KCNQ1: variants seen among roughly 807,000 people sequenced by gnomAD.
KCNQ1 encodes potassium voltage-gated channel subfamily KQT member 1.
KCNQ1 carries 49 observed loss-of-function variants against 72.4 expected under a neutral mutation model. The ratio of observed to expected loss-of-function variants is 0.68; its 90% confidence interval spans 0.54 to 0.86. The LOEUF (loss-of-function observed/expected upper bound fraction) is 0.86, where lower values mean the gene tolerates loss of function less well. Ranked by LOEUF, KCNQ1 falls within the 40% of genes least tolerant of loss-of-function variation. KCNQ1 has a pLI of 0.00. For synonymous variants in KCNQ1, 450 were observed against 412.6 expected, an observed-to-expected ratio of 1.09 and a Z score of -1.10; for missense variants, 790 against 945.1, an observed-to-expected ratio of 0.84 and a Z score of 2.15.
At chr11:2,578,558 G>C (rs537261921) in intron 6 of KCNQ1, among the ~76,000 whole-genome samples, 2 of 152,380 alleles carry the variant, frequency 1.3e-5, no homozygotes, top group South Asian at 4.1e-4. Context: ...GAGGGGAGCA[G>C]GCCTGGGAGG....
intron 15 of KCNQ1, among the ~76,000 whole-genome samples, chr11:2,795,762 G>A (rs1255841369): frequency 2.0e-5 from 3 of 152,182 alleles, no homozygotes; most frequent in African/African-American, 4.8e-5. Context: ...CAAACTTGGC[G>A]GGACCCTGCC....
chr11:2,610,555 G>T, intron 10 of KCNQ1: 1 of 398,238 alleles, frequency 2.5e-6, no homozygotes, highest in South Asian at 1.3e-4. Flanking sequence ...GGATATATGT[G>T]AACTTCCTGG....
chr11:2,686,825 A>C, intron 11 of KCNQ1: 1 of 398,668 alleles, frequency 2.5e-6, no homozygotes, highest in Non-Finnish European at 4.4e-6. Context: ...GAGCAGCACA[A>C]GTAACTCAGA....
chr11:2,670,594 C>A lies in KCNQ1; in HGVS notation c.1514+8513C>A, dbSNP rs2283184. On this transcript the variant is annotated intron_variant, in intron 11 of 15. Coordinates refer to ENST00000155840, the MANE Select transcript of KCNQ1 (RefSeq NM_000218.3). The surrounding 1 kb of genome is among the most constrained non-coding windows in gnomAD (Gnocchi z 4.9). ...ATAGGAGCAGAAGCCAGGGCTCATT[C>A]CCAGACACACAATCTCTGGGGGAGC... The A allele has an allele frequency of 1.8e-4, 72 of 398,262 alleles. No individual in the cohort carries two copies. Among genetic ancestry groups the A allele is most frequent in the Admixed American group, 7.9e-4 (18 of 22,682 alleles). 24.7% of individuals were successfully genotyped at this position (398,262 alleles called of 1,614,324 possible).
intron 11 of KCNQ1, chr11:2,680,614 C>T: frequency 2.5e-6 from 1 of 398,508 alleles, no homozygotes; most frequent in Non-Finnish European, 4.4e-6. Flanking sequence ...TCTTGCAAAA[C>T]TGTAGTACAA....
Position 2,702,568 on chromosome 11 carries a change from C to T in KCNQ1, c.1514+40487C>T, listed in dbSNP as rs1198582919. Among the ~76,000 whole-genome samples the T allele has an allele frequency of 2.6e-5, 4 of 152,142 alleles. No homozygotes were observed. The East Asian group carries it at 7.7e-4, about 29-fold the overall frequency. On this transcript the variant is annotated intron_variant, in intron 11 of 15. Coordinates refer to ENST00000155840, the MANE Select transcript of KCNQ1 (RefSeq NM_000218.3). ...AAAACTGTGGGTTCTAATTGTGGGC[C>T]TGGATGGGGACATATCTTACAAGTA... is the stretch of plus-strand genomic sequence containing the variant.
At chr11:2,797,676 C>T (rs1847166221) in intron 15 of KCNQ1, among the ~76,000 whole-genome samples, 1 of 151,924 alleles carries the variant, frequency 6.6e-6, no homozygotes, top group African/African-American at 2.4e-5. Flanking sequence ...TCTGGCCCCT[C>T]CTCCTCCCCC....
chr11:2,469,987 C>G (rs1246469440), intron 1 of KCNQ1, among the ~76,000 whole-genome samples: 2 of 152,030 alleles, frequency 1.3e-5, no homozygotes, highest in Non-Finnish European at 2.9e-5. Context: ...TTTAGAGCTG[C>G]GGTCTCACTC....
In KCNQ1 at chr11:2,445,477, T is replaced by C; in HGVS notation, c.379T>C (p.Phe127Leu). The C allele has an allele frequency of 6.3e-7, 1 of 1,595,218 alleles. No homozygotes were observed. The highest frequency in any genetic ancestry group is 8.5e-7 in the Non-Finnish European group (1 of 1,178,886). ...PTGWKCFVYH[F>L]AVFLIVLVCL... The stretch of plus-strand genomic sequence containing the variant: ...CGGCTGGAAATGCTTCGTTTACCAC[T>C]TCGCCGTGTGAGTATCGCCACCGGC... The change falls in exon 1 of 16, where the codon TTC becomes CTC. Residue 127 changes from phenylalanine (F) to leucine (L), a missense_variant. Transcript: ENST00000155840.
chr11:2,673,762 G>C lies in KCNQ1; in HGVS notation c.1514+11681G>C, dbSNP rs910106031. 1.0e-5 allele frequency: 4 copies of C among 398,526 alleles called. No individual in the cohort carries two copies. The highest frequency in any genetic ancestry group is 8.2e-5 in the African/African-American group (4 of 48,614). The allele number at this position is 398,526 out of a possible 1,614,324, so 24.7% of individuals were successfully genotyped here. A position where few individuals can be genotyped will look rare whatever the true frequency, so the allele number is the denominator to read the frequency against. On this transcript the variant is annotated intron_variant, in intron 11 of 15. Coordinates refer to ENST00000155840, the MANE Select transcript of KCNQ1 (RefSeq NM_000218.3). The surrounding 1 kb of genome is among the most constrained non-coding windows in gnomAD (Gnocchi z 4.5). ...AGGGGAAGGGGTACAGTCCCTTCTT[G>C]CTGGTATGTTGGGAAGCTCTGGTGC...
At position 2,657,669 on chromosome 11, in the gene KCNQ1, C is replaced by A. The variant is rs1329793851; in HGVS notation, c.1394-4292C>A. 2 of 398,508 alleles carry A rather than the reference C, an allele frequency of 5.0e-6. No individual in the cohort carries two copies. Among genetic ancestry groups the A allele is most frequent in the Admixed American group, 4.4e-5 (1 of 22,716 alleles). The allele number at this position is 398,508 out of a possible 1,614,324, so 24.7% of individuals were successfully genotyped here. A position where few individuals can be genotyped will look rare whatever the true frequency, so the allele number is the denominator to read the frequency against. On this transcript the variant is annotated intron_variant, in intron 10 of 15. Coordinates refer to ENST00000155840, the MANE Select transcript of KCNQ1 (RefSeq NM_000218.3). The surrounding 1 kb of genome is among the most constrained non-coding windows in gnomAD (Gnocchi z 4.8). ...TATTTGGATTTCCCCAGTTTAACTA[C>A]TAATGTCCTTTTTCTGTTCCAAGAT...
In KCNQ1 at chr11:2,745,850, C is replaced by T. The variant is rs536017141; in HGVS notation, c.1515-22994C>T. Among the ~76,000 whole-genome samples, 28 of 152,340 alleles carry T rather than the reference C, an allele frequency of 1.8e-4. No homozygotes were observed. The East Asian group carries it at 3.3e-3, about 18-fold the overall frequency. On this transcript the variant is annotated intron_variant, in intron 11 of 15. Transcript: ENST00000155840. This position sits in a 1 kb window ranked among gnomAD's most constrained non-coding sequence, Gnocchi z 6.2. Reference sequence around the variant, plus strand: ...CGGCAGCAGCAAGGCAGCTCATCCTCGGCTGCCTCTTCTCCCTCACTACTA... The same window carrying T: ...CGGCAGCAGCAAGGCAGCTCATCCTTGGCTGCCTCTTCTCCCTCACTACTA...
intron 11 of KCNQ1, chr11:2,693,845 C>T (rs1220134052): frequency 5.0e-6 from 2 of 398,770 alleles, no homozygotes; most frequent in Non-Finnish European, 4.4e-6. Context: ...TTAGAGGCCA[C>T]CCCTTGCCCT....
rs769645119 is a variant in KCNQ1, at chr11:2,572,874, T to C, written c.809T>C (p.Phe270Ser). The C allele has an allele frequency of 1.2e-6, 2 of 1,613,820 alleles. 1 individual carries two copies. The highest frequency in any genetic ancestry group is 2.2e-5 in the South Asian group (2 of 91,082). Residue 270 changes from phenylalanine to serine, a missense_variant, in exon 6 of 16, where the codon TTC (phenylalanine) becomes TCC (serine). By Grantham distance (155) the Phe-to-Ser change is radical. Coordinates refer to ENST00000155840, the MANE Select transcript of KCNQ1 (RefSeq NM_000218.3). ...QELITTLYIGFLGLIFSSYFV... is the reference protein window; with the variant it reads ...QELITTLYIGSLGLIFSSYFV... ...CTGATAACCACCCTGTACATCGGCT[T>C]CCTGGGCCTCATCTTCTCCTCGTAC...
chr11:2,779,869 A>C (rs926840207), intron 15 of KCNQ1, among the ~76,000 whole-genome samples: 1 of 152,112 alleles, frequency 6.6e-6, no homozygotes, highest in Non-Finnish European at 1.5e-5. Context: ...GCACAAAATT[A>C]TGCACCCAAT....
In KCNQ1 at chr11:2,457,590, A is replaced by C. The variant is rs1324395185; in HGVS notation, c.386+12106A>C. On this transcript the variant is annotated intron_variant, in intron 1 of 15. Transcript: ENST00000155840. This position sits in a 1 kb window ranked among gnomAD's most constrained non-coding sequence, Gnocchi z 5.0. ...GGCTAAACATCAAATCCATGTGGAC[A>C]TAATGATGAGAACAAGAGACACTGG... Among the ~76,000 whole-genome samples, 1 of 152,042 alleles carries C rather than the reference A, an allele frequency of 6.6e-6. No individual in the cohort carries two copies. Among genetic ancestry groups the C allele is most frequent in the Non-Finnish European group, 1.5e-5 (1 of 68,044 alleles).
intron 1 of KCNQ1, among the ~76,000 whole-genome samples, chr11:2,496,764 G>A (rs1001123781): frequency 1.6e-4 from 25 of 152,022 alleles, no homozygotes; most frequent in African/African-American, 5.8e-4. Flanking sequence ...AGTTGATGCA[G>A]TTTCTTCATA....
intron 11 of KCNQ1, chr11:2,697,637 T>C (rs1490687008): frequency 2.5e-6 from 1 of 398,452 alleles, no homozygotes; most frequent in African/African-American, 2.1e-5. Context: ...AACCATATGG[T>C]TTTTCTCCTG....
At chr11:2,610,066 A>G (rs1848953897) in intron 10 of KCNQ1, 1 of 397,776 alleles carries the variant, frequency 2.5e-6, no homozygotes. Flanking sequence ...GGTCTTTTCT[A>G]TGTACTATTT....
Sources: gnomAD v4.1 joint callset for allele counts (sites outside exome capture counted in the v4.1 genomes callset) on GRCh38, gnomAD v4.1.1 for gene constraint, Gnocchi (gnomAD v3.1) non-coding constraint, MANE v1.5 for transcripts, NCBI Gene and HGNC (gene_info 2026-07-23, HGNC 2026-07-21) for gene names.